Variants in UBE2R2 observed in about 807,000 individuals in gnomAD.
UBE2R2 encodes the protein ubiquitin conjugating enzyme E2 R2.
In UBE2R2, 1 loss-of-function variant was observed where a neutral mutation model predicts 27.8. The observed-to-expected ratio is 0.04, with a 90% CI of 0.01 to 0.17. The LOEUF is 0.17. UBE2R2 is among the 10% of genes least tolerant of loss of function. The pLI is 1.00. For missense variants in UBE2R2, 100 were observed against 291.0 expected (o/e 0.34, Z 4.78); for synonymous variants, 106 against 113.3 (o/e 0.94, Z 0.41).
At chr9:33,896,649 C>T (rs1790038425) in intron 2 of UBE2R2, among the ~76,000 whole-genome samples, 1 of 151,280 alleles carries the variant, frequency 6.6e-6, no homozygotes, top group Non-Finnish European at 1.5e-5. Flanking sequence ...GGGGTTTCAC[C>T]GTGTTAGCCA....
At chr9:33,857,771 C>A (rs1587449160) in intron 1 of UBE2R2, among the ~76,000 whole-genome samples, 1 of 152,236 alleles carries the variant, frequency 6.6e-6, no homozygotes, top group East Asian at 1.9e-4. Flanking sequence ...AACCTTTATG[C>A]TTTTAAGTAT....
At chr9:33,870,687 A>G (rs932426105) in intron 1 of UBE2R2, among the ~76,000 whole-genome samples, 1 of 151,888 alleles carries the variant, frequency 6.6e-6, no homozygotes, top group Non-Finnish European at 1.5e-5. Context: ...AAAATTATCT[A>G]CTCCTCAATA....
At chr9:33,848,001 C>T (rs552035389) in intron 1 of UBE2R2, among the ~76,000 whole-genome samples, 3 of 151,714 alleles carry the variant, frequency 2.0e-5, no homozygotes, top group East Asian at 1.9e-4. Flanking sequence ...GTGATCCACC[C>T]GCCTCTGACT....
chr9:33,860,924 AC>A (rs1821216972), intron 1 of UBE2R2, among the ~76,000 whole-genome samples: 2 of 129,532 alleles, frequency 1.5e-5, no homozygotes, highest in South Asian at 4.9e-4. Flanking sequence ...ACAATCGTTA[AC>A]CCTGTGTTAA....
At chr9:33,833,157 T>A (rs905672397) in intron 1 of UBE2R2, among the ~76,000 whole-genome samples, 1 of 152,146 alleles carries the variant, frequency 6.6e-6, no homozygotes, top group African/African-American at 2.4e-5. Flanking sequence ...CTCCGCCTCC[T>A]GGGTTCAAGT....
At chr9:33,883,366 A>G (rs1415442785) in intron 1 of UBE2R2, among the ~76,000 whole-genome samples, 1 of 152,144 alleles carries the variant, frequency 6.6e-6, no homozygotes, top group East Asian at 1.9e-4. Context: ...TGGCAGACCT[A>G]TACTCCTGAT....
chr9:33,823,456 A>T (rs1159549312), intron 1 of UBE2R2, among the ~76,000 whole-genome samples: 3 of 151,756 alleles, frequency 2.0e-5, no homozygotes, highest in African/African-American at 7.3e-5. Flanking sequence ...GCTCACTGCA[A>T]CCTCTGCCTC....
Position 33,886,870 on chromosome 9 carries a change from T to C in UBE2R2, c.178-11T>C, listed in dbSNP as rs1403359054. On this transcript the variant is annotated splice_polypyrimidine_tract_variant and intron_variant, in intron 1 of 4. Coordinates refer to ENST00000263228, the MANE Select transcript of UBE2R2 (RefSeq NM_017811.4). ...TCTCATTTATTAGCATTTCATTTTT[T>C]TTCTTTTCAGGCGCATATTAAATTT... 2 of 1,573,204 alleles carry C rather than the reference T, an allele frequency of 1.3e-6. No homozygotes were observed. Among genetic ancestry groups the C allele is most frequent in the South Asian group, 2.4e-5 (2 of 84,030 alleles).
At position 33,917,041 on chromosome 9, in the gene UBE2R2, C is replaced by A; in HGVS notation, c.521C>A (p.Ala174Asp). 6.2e-7 allele frequency: 1 copy of A among 1,614,190 alleles called. No homozygotes were observed. Among genetic ancestry groups the A allele is most frequent in the Non-Finnish European group, 8.5e-7 (1 of 1,180,026 alleles). Residue 174 changes from alanine to aspartate, a missense_variant, in exon 5 of 5, where the codon GCC becomes GAC. By Grantham distance (126) the Ala-to-Asp change is moderately radical. Around this residue, in one of 3 missense-constraint regions of UBE2R2, gnomAD observed 55 missense variants for 122.6 expected, o/e 0.45. Coordinates refer to ENST00000263228, the MANE Select transcript of UBE2R2 (RefSeq NM_017811.4). ...IIRKQVSATK[A>D]EAEKDGVKVP... Reference sequence around the variant, plus strand: ...AGGAAACAAGTTTCAGCCACTAAGGCCGAAGCAGAAAAGGATGGAGTGAAG... The same window carrying A: ...AGGAAACAAGTTTCAGCCACTAAGGACGAAGCAGAAAAGGATGGAGTGAAG...
intron 1 of UBE2R2, among the ~76,000 whole-genome samples, chr9:33,872,217 A>G (rs2130781017): frequency 6.6e-6 from 1 of 151,150 alleles, no homozygotes; most frequent in African/African-American, 2.4e-5. Context: ...AACATGGGGA[A>G]CTATCTCTAC....
chr9:33,872,362 G>A (rs867930490), intron 1 of UBE2R2, among the ~76,000 whole-genome samples: 2 of 151,998 alleles, frequency 1.3e-5, no homozygotes, highest in African/African-American at 4.8e-5. Flanking sequence ...CATGGCACTG[G>A]TCTTGGTGAC....
intron 2 of UBE2R2, among the ~76,000 whole-genome samples, chr9:33,889,393 A>ACAGGGTTTC (rs1486589255): frequency 6.6e-6 from 1 of 151,872 alleles, no homozygotes; most frequent in Non-Finnish European, 1.5e-5. Context: ...TTTAGTAGAG[A>ACAGGGTTTC]CAGGGTTTCA....
intron 1 of UBE2R2, among the ~76,000 whole-genome samples, chr9:33,836,776 T>A (rs1193960240): frequency 6.6e-6 from 1 of 151,142 alleles, no homozygotes; most frequent in Non-Finnish European, 1.5e-5. Context: ...AAAATATATA[T>A]ATATATATTC....
At chr9:33,875,205 T>C (rs1237295092) in intron 1 of UBE2R2, among the ~76,000 whole-genome samples, 4 of 152,170 alleles carry the variant, frequency 2.6e-5, no homozygotes, top group Non-Finnish European at 5.9e-5. Context: ...TGTAATACTA[T>C]TATCACAACT....
chr9:33,815,272 C>A (rs1456822980), upstream of UBE2R2, among the ~76,000 whole-genome samples: 5 of 152,194 alleles, frequency 3.3e-5, no homozygotes, highest in African/African-American at 1.2e-4. Context: ...GATCCTGGAA[C>A]AGCAAAAGGT....
At chr9:33,903,867 T>TA (rs1822297213) in intron 3 of UBE2R2, among the ~76,000 whole-genome samples, 1 of 152,226 alleles carries the variant, frequency 6.6e-6, no homozygotes, top group Non-Finnish European at 1.5e-5. Context: ...TACAACTAGT[T>TA]ATGTGGAGTT....
At chr9:33,850,656 A>G (rs1458459023) in intron 1 of UBE2R2, among the ~76,000 whole-genome samples, 1 of 150,962 alleles carries the variant, frequency 6.6e-6, no homozygotes, top group African/African-American at 2.4e-5. Context: ...TTTTGCCTTC[A>G]TATTACTGAT....
intron 1 of UBE2R2, among the ~76,000 whole-genome samples, chr9:33,880,896 A>G (rs1236261845): frequency 6.6e-6 from 1 of 152,020 alleles, no homozygotes; most frequent in Non-Finnish European, 1.5e-5. Flanking sequence ...CGAAACACCC[A>G]CCTCACTACC....
intron 2 of UBE2R2, among the ~76,000 whole-genome samples, chr9:33,899,255 C>A (rs578057700): frequency 6.6e-6 from 1 of 152,098 alleles, no homozygotes; most frequent in East Asian, 1.9e-4. Flanking sequence ...TTGCCCAGGC[C>A]GGAGCACTAT....
Sources: gnomAD v4.1 joint callset for allele counts (sites outside exome capture counted in the v4.1 genomes callset) on GRCh38, gnomAD v4.1.1 for gene constraint, gnomAD v4.1.1 regional missense constraint, MANE v1.5 for transcripts, NCBI Gene and HGNC (gene_info 2026-07-23, HGNC 2026-07-21) for gene names.